Variants in PABPC1L observed in about 807,000 individuals in gnomAD.
PABPC1L encodes the protein poly(A) binding protein cytoplasmic 1 like, also known as polyadenylate-binding protein 1-like.
In PABPC1L, 31 loss-of-function variants were observed where a neutral mutation model predicts 66.6. That is an observed-to-expected ratio of 0.47 (90% CI 0.35 to 0.63). The LOEUF (loss-of-function observed/expected upper bound fraction) is 0.63, where lower values mean the gene tolerates loss of function less well. PABPC1L is among the 20% of genes least tolerant of loss of function. The pLI is 0.00. For missense variants in PABPC1L, 722 were observed against 848.8 expected (o/e 0.85, Z 1.86); for synonymous variants, 348 against 335.1 (o/e 1.04, Z -0.42).
intron 3 of PABPC1L, among the ~76,000 whole-genome samples, chr20:44,918,594 C>T (rs2145559880): frequency 1.3e-5 from 2 of 152,358 alleles, no homozygotes; most frequent in Middle Eastern, 6.8e-3. Flanking sequence ...AAGCCCTTGT[C>T]TGTCTGACTC....
At chr20:44,931,065 C>CT (rs1438957243) in intron 8 of PABPC1L, among the ~76,000 whole-genome samples, 536 of 45,060 alleles carry the variant, frequency 0.012, 32 homozygotes, top group African/African-American at 0.032. Context: ...CTTCCCTTCC[C>CT]TCCCTCCCTC....
intron 6 of PABPC1L, 114 bp from the exon 7 acceptor site, chr20:44,924,047 C>A: frequency 1.2e-6 from 1 of 810,584 alleles, no homozygotes; most frequent in South Asian, 1.5e-5. Context: ...GAGCAGGAGG[C>A]TGGGCTGGTG....
At position 44,912,764 on chromosome 20, in the gene PABPC1L, A is replaced by G. The variant is rs769843312; in HGVS notation, c.298A>G (p.Asn100Asp). The G allele has an allele frequency of 6.2e-7, 1 of 1,614,202 alleles. No individual in the cohort carries two copies. The highest frequency in any genetic ancestry group is 1.7e-5 in the Admixed American group (1 of 60,028). ...AGGACTTCGCAAGTCAGGTGTGGGCAACATCTTCATCAAGAACCTGGAGGA... is the reference window on the plus strand; with the variant it reads ...AGGACTTCGCAAGTCAGGTGTGGGCGACATCTTCATCAAGAACCTGGAGGA... ...DPGLRKSGVG[N>D]IFIKNLEDSI... The change falls in exon 2 of 15, where the codon AAC becomes GAC. Residue 100 changes from asparagine to aspartate, a missense_variant. By Grantham distance (23) the Asn-to-Asp change is conservative (BLOSUM62 1). Transcript: ENST00000217073.
At position 44,912,801 on chromosome 20, in the gene PABPC1L, A is replaced by G; in HGVS notation, c.335A>G (p.Asn112Ser). 6.2e-7 allele frequency: 1 copy of G among 1,614,164 alleles called. No individual in the cohort carries two copies. Among genetic ancestry groups the G allele is most frequent in the South Asian group, 1.1e-5 (1 of 91,080 alleles). Residue 112 changes from asparagine to serine, a missense_variant, in exon 2 of 15, where the codon AAC (asparagine) becomes AGC (serine). Physicochemically the swap from Asn to Ser is conservative, Grantham distance 46. This residue lies in a region of PABPC1L where 284 missense variants were observed against 294.8 expected (regional missense o/e 0.96). Coordinates refer to ENST00000217073, the MANE Select transcript of PABPC1L (RefSeq NM_001372179.1). ...AAGAACCTGGAGGACTCCATTGACA[A>G]CAAGGCTTTATATGATACCTTCTCC... ...FIKNLEDSID[N>S]KALYDTFSTF...
chr20:44,927,553 TG>T (rs2066818613), intron 7 of PABPC1L, among the ~76,000 whole-genome samples: 1 of 152,080 alleles, frequency 6.6e-6, no homozygotes, highest in Non-Finnish European at 1.5e-5. Context: ...GTCACTATTT[TG>T]GCCAGGCTGG....
intron 12 of PABPC1L, among the ~76,000 whole-genome samples, chr20:44,937,343 C>T (rs2066909230): frequency 6.6e-6 from 1 of 151,756 alleles, no homozygotes; most frequent in African/African-American, 2.4e-5. Flanking sequence ...TGAAGGCCCC[C>T]ATTACCACTG....
chr20:44,930,765 C>A lies in PABPC1L; in HGVS notation c.1239+39C>A, dbSNP rs546909368. On this transcript the variant is annotated intron_variant, in intron 8 of 14. Coordinates refer to ENST00000217073, the MANE Select transcript of PABPC1L (RefSeq NM_001372179.1). ...CGCAACTCCCACCGCAGCCTTCCCC[C>A]CTGCCCCAGCAAGGCAGAGCATGAA... is the stretch of plus-strand genomic sequence containing the variant. 98 of 1,595,972 alleles carry A rather than the reference C, an allele frequency of 6.1e-5. No individual in the cohort carries two copies. In the South Asian group the frequency reaches 6.8e-4, roughly 11 times the overall value.
Position 44,918,931 on chromosome 20 carries a change from C to A in PABPC1L, c.529C>A (p.Arg177=). Residue 177 remains arginine (R), a synonymous_variant, in exon 4 of 15, where the codon CGG becomes AGG. Coordinates refer to ENST00000217073, the MANE Select transcript of PABPC1L (RefSeq NM_001372179.1). ...KVFVGHFKSR[R]EREAELGARA... is the part of the protein sequence containing the mutation. ...CTTTGTGGGTCACTTCAAGTCTCGACGGGAGCGGGAGGCGGAGCTGGGGGC... is the reference window on the plus strand; with the variant it reads ...CTTTGTGGGTCACTTCAAGTCTCGAAGGGAGCGGGAGGCGGAGCTGGGGGC... The A allele has an allele frequency of 6.2e-7, 1 of 1,603,686 alleles. No individual in the cohort carries two copies. The highest frequency in any genetic ancestry group is 8.5e-7 in the Non-Finnish European group (1 of 1,175,086).
chr20:44,914,740 A>G (rs1380771017), intron 2 of PABPC1L, among the ~76,000 whole-genome samples: 1 of 152,318 alleles, frequency 6.6e-6, no homozygotes, highest in South Asian at 2.1e-4. Context: ...AGTTCTTCAC[A>G]ATAATAATGG....
intron 12 of PABPC1L, 48 bp from the exon 13 acceptor site, chr20:44,938,013 G>A (rs769606604): frequency 1.3e-4 from 208 of 1,611,292 alleles, no homozygotes; most frequent in Middle Eastern, 5.0e-4. Flanking sequence ...TGGGATGCTG[G>A]GGTGTGAGCT....
At chr20:44,929,677 C>T (rs1473044505) in intron 7 of PABPC1L, among the ~76,000 whole-genome samples, 2 of 151,932 alleles carry the variant, frequency 1.3e-5, no homozygotes, top group East Asian at 3.9e-4. Context: ...CGCCTGTAGT[C>T]CCATCTACCC....
At chr20:44,925,189 G>A (rs113105449) in intron 7 of PABPC1L, among the ~76,000 whole-genome samples, 1,691 of 147,560 alleles carry the variant, frequency 0.011, 25 homozygotes, top group African/African-American at 0.038. Context: ...CTCCAGCCTG[G>A]GCAACAGCGA....
At chr20:44,921,907 G>A (rs766498824) in intron 6 of PABPC1L, among the ~76,000 whole-genome samples, 176 bp downstream of exon 6, 4 of 152,284 alleles carry the variant, frequency 2.6e-5, no homozygotes, top group Admixed American at 6.5e-5. Flanking sequence ...GAGAAACTGC[G>A]CACAACCCAA....
chr20:44,927,156 G>C (rs1402091901), intron 7 of PABPC1L, among the ~76,000 whole-genome samples: 1 of 152,028 alleles, frequency 6.6e-6, no homozygotes, highest in Non-Finnish European at 1.5e-5. Context: ...AAAGTGCTGG[G>C]ATTATAGGCA....
Position 44,932,365 on chromosome 20 carries a change from T to C in PABPC1L, c.1263T>C (p.Tyr421=), listed in dbSNP as rs2066866950. The change falls in exon 9 of 15, where the codon TAT becomes TAC. Residue 421 remains tyrosine, a synonymous_variant. Coordinates refer to ENST00000217073, the MANE Select transcript of PABPC1L (RefSeq NM_001372179.1). ...AGCCTCCAGCCCAGGCTGCATACTATGGCTGTGGCCCAGTGACACCCACCC... is the reference window on the plus strand; with the variant it reads ...AGCCTCCAGCCCAGGCTGCATACTACGGCTGTGGCCCAGTGACACCCACCC... The part of the protein sequence containing the change: ...MPQPPAQAAY[Y]GCGPVTPTQP... 1 of 1,613,570 alleles carries C rather than the reference T, an allele frequency of 6.2e-7. No individual in the cohort carries two copies. The highest frequency in any genetic ancestry group is 1.3e-5 in the African/African-American group (1 of 74,894).
chr20:44,921,702 A>G lies in PABPC1L; in HGVS notation c.847A>G (p.Met283Val), dbSNP rs1873017537. Residue 283 changes from methionine (M) to valine (V), a missense_variant, in exon 6 of 15, where the codon ATG becomes GTG. Met to Val is a conservative substitution (Grantham distance 21). This residue lies in a region of PABPC1L where 137 missense variants were observed against 216.8 expected (regional missense o/e 0.63). Transcript: ENST00000217073. Reference protein sequence around the residue: ...QNELKRRFEQMKQDRLRRYQG... With the variant: ...QNELKRRFEQVKQDRLRRYQG... ...TGAACTGAAGCGCAGGTTTGAGCAGATGAAGCAGGACCGGCTGAGGCGTTA... is the reference window on the plus strand; with the variant it reads ...TGAACTGAAGCGCAGGTTTGAGCAGGTGAAGCAGGACCGGCTGAGGCGTTA... 1 of 1,613,626 alleles carries G rather than the reference A, an allele frequency of 6.2e-7. No individual in the cohort carries two copies. Among genetic ancestry groups the G allele is most frequent in the African/African-American group, 1.3e-5 (1 of 74,928 alleles).
intron 5 of PABPC1L, among the ~76,000 whole-genome samples, chr20:44,921,337 G>A (rs2066771703): frequency 1.3e-5 from 2 of 151,984 alleles, no homozygotes; most frequent in South Asian, 2.1e-4. Context: ...TAGTAGAGAC[G>A]GGGTTTCTCC....
chr20:44,929,378 T>C (rs1343566743), intron 7 of PABPC1L, among the ~76,000 whole-genome samples: 1 of 151,838 alleles, frequency 6.6e-6, no homozygotes, highest in Non-Finnish European at 1.5e-5. Flanking sequence ...AAGTCTGGAG[T>C]TCAGTTAATA....
intron 10 of PABPC1L, among the ~76,000 whole-genome samples, 185 bp from the exon 11 acceptor site, chr20:44,935,206 A>G (rs1405184408): frequency 6.6e-6 from 1 of 152,062 alleles, no homozygotes; most frequent in African/African-American, 2.4e-5. Flanking sequence ...AGAAAGCCCT[A>G]TACTGTTTTT....
Sources: gnomAD v4.1 joint callset for allele counts (sites outside exome capture counted in the v4.1 genomes callset) on GRCh38, gnomAD v4.1.1 for gene constraint, gnomAD v4.1.1 regional missense constraint, MANE v1.5 for transcripts, NCBI Gene and HGNC (gene_info 2026-07-23, HGNC 2026-07-21) for gene names.